Variants in AGBL1 observed in about 807,000 individuals in gnomAD.
AGBL1 encodes the protein AGBL carboxypeptidase 1.
Under a neutral mutation model 118.9 loss-of-function variants are expected in AGBL1, and 130 were observed. That is an observed-to-expected ratio of 1.09 (90% confidence interval 0.95 to 1.26). AGBL1 has a LOEUF of 1.26. Among genes scored for constraint, AGBL1 ranks in the 50% most tolerant of loss-of-function variants. The pLI is 0.00. For synonymous variants in AGBL1, 555 were observed against 478.9 expected (o/e 1.16, Z -2.08); for missense variants, 1,584 against 1,298.1 (o/e 1.22, Z -3.38).
chr15:86,151,466 C>G lies in AGBL1; in HGVS notation c.263-2964C>G, dbSNP rs146458968. ...CAATAGATGCAGAAAAGGCCTTCAA[C>G]AAAATTCAGCCCTTCATGCTAAAAA... On this transcript the variant is annotated intron_variant, in intron 3 of 22. Transcript: ENST00000614907. Among the ~76,000 whole-genome samples, 496 of 152,136 alleles carry G rather than the reference C, an allele frequency of 3.3e-3. 3 individuals are homozygous for G. Among genetic ancestry groups the G allele is most frequent in the South Asian group, 7.5e-3 (36 of 4,820 alleles).
chr15:86,298,024 A>G (rs561914330), intron 17 of AGBL1, among the ~76,000 whole-genome samples: 1 of 151,904 alleles, frequency 6.6e-6, no homozygotes, highest in East Asian at 1.9e-4. Flanking sequence ...CTCACAACGA[A>G]TTTTATTTTC....
intron 23 of AGBL1, among the ~76,000 whole-genome samples, chr15:86,985,351 A>G (rs1357905269): frequency 6.6e-6 from 1 of 152,152 alleles, no homozygotes; most frequent in African/African-American, 2.4e-5. Flanking sequence ...TTACACCCCT[A>G]CCAGCAATGT....
At chr15:86,574,036 T>TAAAC (rs973711942) in intron 21 of AGBL1, among the ~76,000 whole-genome samples, 15 of 150,656 alleles carry the variant, frequency 1.0e-4, no homozygotes, top group Non-Finnish European at 1.6e-4. Flanking sequence ...ACCAAACAAA[T>TAAAC]AAACAAACAA....
intron 22 of AGBL1, among the ~76,000 whole-genome samples, chr15:86,804,317 G>A (rs1220965115): frequency 6.6e-6 from 1 of 152,134 alleles, no homozygotes; most frequent in East Asian, 1.9e-4. Flanking sequence ...CTTCAGGTGA[G>A]TAGTATTACT....
intron 21 of AGBL1, among the ~76,000 whole-genome samples, chr15:86,600,237 T>C (rs1392774036): frequency 6.6e-6 from 1 of 152,152 alleles, no homozygotes; most frequent in Non-Finnish European, 1.5e-5. Flanking sequence ...CTGTCACTGC[T>C]GGAGCTATGA....
At chr15:86,481,254 C>G (rs147474609) in intron 18 of AGBL1, among the ~76,000 whole-genome samples, 17 of 150,524 alleles carry the variant, frequency 1.1e-4, no homozygotes, top group African/African-American at 4.2e-4. Flanking sequence ...CTTTCCTAAG[C>G]TTTCCTTGAA....
At chr15:86,405,357 CA>C (rs5814240) in intron 18 of AGBL1, among the ~76,000 whole-genome samples, 11 of 150,574 alleles carry the variant, frequency 7.3e-5, no homozygotes, top group East Asian at 3.9e-4. Flanking sequence ...TAAAAAATAC[CA>C]AAAAAAAATT....
chr15:86,861,141 A>G (rs940033454), intron 22 of AGBL1, among the ~76,000 whole-genome samples: 2 of 152,028 alleles, frequency 1.3e-5, no homozygotes, highest in African/African-American at 4.8e-5. Context: ...ACTGCTCCCA[A>G]ATTTTTTCTA....
chr15:86,346,526 T>G (rs755759058), intron 17 of AGBL1, among the ~76,000 whole-genome samples: 15 of 151,740 alleles, frequency 9.9e-5, no homozygotes, highest in Non-Finnish European at 2.9e-5. Flanking sequence ...TTTTTTGTGT[T>G]TTTTAGTAGA....
intron 18 of AGBL1, among the ~76,000 whole-genome samples, chr15:86,461,906 C>T (rs2082339217): frequency 6.6e-6 from 1 of 152,186 alleles, no homozygotes; most frequent in Non-Finnish European, 1.5e-5. Context: ...GTGGCAATCG[C>T]ATCAAGGTGA....
chr15:86,636,655 T>G lies in AGBL1; in HGVS notation c.2995-37618T>G, dbSNP rs544072998. Among the ~76,000 whole-genome samples, 6 of 131,344 alleles carry G rather than the reference T, an allele frequency of 4.6e-5. 1 individual carries two copies. In the East Asian group the frequency reaches 1.4e-3, roughly 30 times the overall value. The allele number at this position is 131,344 out of a possible 152,430, so 86.2% of individuals were successfully genotyped here. A position where few individuals can be genotyped will look rare whatever the true frequency, so the allele number is the denominator to read the frequency against. On this transcript the variant is annotated intron_variant, in intron 21 of 22. Transcript: ENST00000614907. ...TACTGAATCACTGTGAGTCAGAAATTTTTAATCTTATCATATTGGCTTACA... is the reference window on the plus strand; with the variant it reads ...TACTGAATCACTGTGAGTCAGAAATGTTTAATCTTATCATATTGGCTTACA...
chr15:86,153,441 C>A (rs977720718), intron 3 of AGBL1, among the ~76,000 whole-genome samples: 1 of 149,164 alleles, frequency 6.7e-6, no homozygotes, highest in Non-Finnish European at 1.5e-5. Flanking sequence ...TGCTCTCACT[C>A]GTAGGTGGGA....
At chr15:86,090,009 C>T (rs148758337) in intron 1 of AGBL1, among the ~76,000 whole-genome samples, 7 of 152,332 alleles carry the variant, frequency 4.6e-5, no homozygotes, top group African/African-American at 1.4e-4. Flanking sequence ...GAACCCCTCA[C>T]ATTTGTCGAG....
chr15:86,987,257 C>T (rs2081294843), intron 23 of AGBL1, among the ~76,000 whole-genome samples: 1 of 152,148 alleles, frequency 6.6e-6, no homozygotes, highest in Non-Finnish European at 1.5e-5. Context: ...AGAGGCCTGA[C>T]AGTTGACATC....
At chr15:86,123,177 C>G (rs762575721) in intron 1 of AGBL1, among the ~76,000 whole-genome samples, 20 of 152,108 alleles carry the variant, frequency 1.3e-4, no homozygotes, top group Non-Finnish European at 2.4e-4. Context: ...AGATCTGAAG[C>G]CTGCTGCATA....
chr15:86,557,680 T>A (rs1051128209), intron 21 of AGBL1, among the ~76,000 whole-genome samples: 1 of 152,202 alleles, frequency 6.6e-6, no homozygotes, highest in South Asian at 2.1e-4. Flanking sequence ...AGTGTCTTCA[T>A]TGTGTCTCGA....
chr15:86,872,094 A>ATT (rs2079737605), intron 22 of AGBL1, among the ~76,000 whole-genome samples: 3 of 152,184 alleles, frequency 2.0e-5, no homozygotes, highest in Non-Finnish European at 4.4e-5. Flanking sequence ...TAGAACTCAA[A>ATT]CACAGAGCAG....
At chr15:86,513,677 A>AAG (rs1240025696) in intron 18 of AGBL1, among the ~76,000 whole-genome samples, 2 of 152,032 alleles carry the variant, frequency 1.3e-5, no homozygotes, top group East Asian at 3.9e-4. Flanking sequence ...GTTTTCTCTA[A>AAG]ATGTATAAAT....
Position 86,154,571 on chromosome 15 carries a change from T to C in AGBL1, c.394+10T>C. On this transcript the variant is annotated intron_variant, in intron 4 of 22. Coordinates refer to ENST00000614907, the MANE Select transcript of AGBL1 (RefSeq NM_001386094.1). ...GTGTTTGCCTCCAGTGGTAAGTGAC[T>C]CTATTGTGGCTCTCGGGGATGGCTT... 1.3e-6 allele frequency: 2 copies of C among 1,597,986 alleles called. No individual in the cohort carries two copies. Among genetic ancestry groups the C allele is most frequent in the South Asian group, 1.1e-5 (1 of 89,136 alleles).
Sources: allele counts gnomAD v4.1 joint callset (sites outside exome capture counted in the v4.1 genomes callset), GRCh38; gene constraint gnomAD v4.1.1; transcripts MANE v1.5; gene names NCBI Gene and HGNC (gene_info 2026-07-23, HGNC 2026-07-21).